The following MACF1 variants were observed in gnomAD, a reference collection of about 807,000 sequenced individuals.
MACF1 encodes the protein microtubule-actin cross-linking factor 1.
MACF1 carries 193 observed loss-of-function variants against 854.8 expected under a neutral mutation model. That is an observed-to-expected ratio of 0.23 (90% CI 0.20 to 0.25). The LOEUF (loss-of-function observed/expected upper bound fraction) is 0.25, where lower values mean the gene tolerates loss of function less well. Ranked by LOEUF, MACF1 falls within the 10% of genes least tolerant of loss-of-function variation. MACF1 has a pLI of 1.00. For missense variants in MACF1, 7,722 were observed against 8,929.1 expected, an observed-to-expected ratio of 0.86 and a Z score of 5.45; for synonymous variants, 3,185 against 3,226.7, an observed-to-expected ratio of 0.99 and a Z score of 0.44.
At chr1:39,166,460 T>A (rs1199818496) in intron 2 of MACF1, among the ~76,000 whole-genome samples, 2 of 151,590 alleles carry the variant, frequency 1.3e-5, no homozygotes, top group Admixed American at 1.3e-4. Context: ...ATTCATTCAT[T>A]CATTCATTCA....
chr1:39,385,564 T>C lies in MACF1; in HGVS notation c.13979T>C (p.Ile4660Thr). The change falls in exon 57 of 101, where the codon ATC (isoleucine) becomes ACC (threonine). Residue 4660 changes from isoleucine to threonine, a missense_variant. Coordinates refer to ENST00000564288, the MANE Select transcript of MACF1 (RefSeq NM_001394062.1). ...CAAGTACAGAAAGAACTCCAGAGCA[T>C]CAATCAGAAATGGGTTGAGCTGACT... The part of the protein sequence containing the change: ...TSQVQKELQS[I>T]NQKWVELTDK... The C allele has an allele frequency of 1.2e-6, 2 of 1,614,152 alleles. No homozygotes were observed. Among genetic ancestry groups the C allele is most frequent in the Non-Finnish European group, 1.7e-6 (2 of 1,180,028 alleles).
In MACF1 at chr1:39,469,474, TTTGTCTTTC is replaced by T. The variant is rs533810376; in HGVS notation, c.21890-69_21890-61del. 6.9e-4 allele frequency: 803 copies of T among 1,156,518 alleles called. 4 individuals are homozygous for T. In the African/African-American group the frequency reaches 8.8e-3, roughly 13 times the overall value. 71.6% of individuals were successfully genotyped at this position (1,156,518 alleles called of 1,614,324 possible). Reference sequence around the variant, plus strand: ...AGGAGGCTCCCCCACTGTCTGCCAATTTGTCTTTCTTGACTAGTTTCTGCGTTTCCTGCC... The same window carrying T: ...AGGAGGCTCCCCCACTGTCTGCCAATTTGACTAGTTTCTGCGTTTCCTGCC... On this transcript the variant is annotated intron_variant, in intron 96 of 100. Transcript: ENST00000564288.
At chr1:39,391,755 C>T (rs994058688) in intron 58 of MACF1, among the ~76,000 whole-genome samples, 8 of 152,218 alleles carry the variant, frequency 5.3e-5, no homozygotes, top group African/African-American at 1.9e-4. Flanking sequence ...ATTACTTTAT[C>T]TTATTTCTAT....
intron 2 of MACF1, among the ~76,000 whole-genome samples, chr1:39,239,532 G>A (rs907843934): frequency 6.6e-6 from 1 of 152,212 alleles, no homozygotes; most frequent in Admixed American, 6.5e-5. Context: ...ACATATGTAA[G>A]GGTTCTGCTT....
intron 68 of MACF1, among the ~76,000 whole-genome samples, chr1:39,433,554 T>C (rs2148654716): frequency 6.6e-6 from 1 of 152,330 alleles, no homozygotes; most frequent in East Asian, 1.9e-4. Flanking sequence ...CAAGATGGTT[T>C]GTAGACAAGT....
chr1:39,397,434 C>T (rs558903052), intron 58 of MACF1, among the ~76,000 whole-genome samples: 4 of 151,880 alleles, frequency 2.6e-5, no homozygotes, highest in South Asian at 2.1e-4. Context: ...TGGTGGCGAG[C>T]GCCTGTAATC....
intron 1 of MACF1, among the ~76,000 whole-genome samples, chr1:39,221,218 C>G (rs1289578367): frequency 1.3e-5 from 2 of 151,990 alleles, no homozygotes; most frequent in Non-Finnish European, 2.9e-5. Context: ...CCACCGAAAA[C>G]GTAGTGAATA....
In MACF1 at chr1:39,479,970, C is replaced by T. The variant is rs1360123186; in HGVS notation, c.22131C>T (p.Ser7377=). Residue 7377 remains serine, a synonymous_variant, in exon 98 of 101, where the codon TCC becomes TCT. Transcript: ENST00000564288. ...SASQSNHSCT[S]MPSSPATPAS... ...GTCAGAGTAACCACAGCTGTACATC[C>T]ATGCCATCTTCTCCAGCCACCCCAG... is the stretch of plus-strand genomic sequence containing the variant. 6.3e-7 allele frequency: 1 copy of T among 1,594,842 alleles called. No homozygotes were observed.
At chr1:39,388,982 G>A (rs574267652) in intron 58 of MACF1, among the ~76,000 whole-genome samples, 14 of 145,348 alleles carry the variant, frequency 9.6e-5, no homozygotes, top group Middle Eastern at 3.4e-3. Context: ...AGGCTCAAGC[G>A]ATCCTCCCAC....
At chr1:39,215,986 T>C (rs74066708) in intron 1 of MACF1, among the ~76,000 whole-genome samples, 4,706 of 152,196 alleles carry the variant, frequency 0.031, 234 homozygotes, top group African/African-American at 0.11. Context: ...GTGACTTAGA[T>C]CTCTCTTGAT....
Position 39,335,005 on chromosome 1 carries a change from A to G in MACF1, c.8417A>G (p.Asn2806Ser), listed in dbSNP as rs778603258. The change falls in exon 37 of 101, where the codon AAT becomes AGT. Residue 2806 changes from asparagine to serine, a missense_variant. Asn to Ser is a conservative substitution (Grantham distance 46). Around this residue, in one of 15 missense-constraint regions of MACF1, gnomAD observed 1,531 missense variants for 1,601.6 expected, o/e 0.96. Transcript: ENST00000564288. ...AATCAGACTGCTGAAATGAGTTGTA[A>G]TAAAGTAGAAGAGAGTGAGAGATTA... ...ACNQTAEMSCNKVEESERLFQ... is the reference protein window; with the variant it reads ...ACNQTAEMSCSKVEESERLFQ... The G allele has an allele frequency of 6.2e-7, 1 of 1,614,118 alleles. No individual in the cohort carries two copies. Among genetic ancestry groups the G allele is most frequent in the Non-Finnish European group, 8.5e-7 (1 of 1,179,978 alleles).
At chr1:39,468,882 CA>C (rs1288001809) in intron 96 of MACF1, 150 bp downstream of exon 96, 2 of 696,870 alleles carry the variant, frequency 2.9e-6, no homozygotes, top group Non-Finnish European at 4.9e-6. Context: ...GATTAGAACT[CA>C]GGGGTGCCAG....
At chr1:39,268,328 G>A in intron 6 of MACF1, 1 of 419,732 alleles carries the variant, frequency 2.4e-6, no homozygotes, top group Non-Finnish European at 3.2e-6. Context: ...CCCCTCCCCT[G>A]GTTTCTAGCT....
chr1:39,324,785 G>A (rs764931917), intron 35 of MACF1, 51 bp downstream of exon 35: 1 of 1,362,954 alleles, frequency 7.3e-7, no homozygotes, highest in South Asian at 1.2e-5. Context: ...TGGTCTATCA[G>A]TCTAAAACTT....
intron 2 of MACF1, among the ~76,000 whole-genome samples, chr1:39,101,374 G>GTATATATA (rs112843404): frequency 4.0e-5 from 5 of 124,118 alleles, no homozygotes; most frequent in African/African-American, 1.4e-4. Flanking sequence ...AAAAAAATAT[G>GTATATATA]TATATATATA....
chr1:39,278,636 A>G (rs572430865), intron 6 of MACF1, among the ~76,000 whole-genome samples: 1 of 152,338 alleles, frequency 6.6e-6, no homozygotes, highest in African/African-American at 2.4e-5. Context: ...TCCTGTTCCC[A>G]ATAATGTTTT....
intron 2 of MACF1, among the ~76,000 whole-genome samples, chr1:39,131,594 G>A (rs1001891939): frequency 2.0e-5 from 3 of 152,104 alleles, no homozygotes; most frequent in African/African-American, 7.2e-5. Flanking sequence ...TTGTATCTCT[G>A]ATGTTTAGGA....
chr1:39,409,031 C>T lies in MACF1; in HGVS notation c.15817-13343C>T, dbSNP rs1642854193. On this transcript the variant is annotated intron_variant, in intron 58 of 100. Transcript: ENST00000564288. This position sits in a 1 kb window ranked among gnomAD's most constrained non-coding sequence, Gnocchi z 4.2. ...GGGCTGCCCGGGCGGGGCGGCGCAGCGCGGCGGCGCGGGGAAGGGGGAGGA... is the reference window on the plus strand; with the variant it reads ...GGGCTGCCCGGGCGGGGCGGCGCAGTGCGGCGGCGCGGGGAAGGGGGAGGA... Among the ~76,000 whole-genome samples the T allele has an allele frequency of 6.6e-6, 1 of 151,504 alleles. No homozygotes were observed. The highest frequency in any genetic ancestry group is 2.1e-4 in the South Asian group (1 of 4,810).
chr1:39,106,862 A>C (rs1013952001), intron 2 of MACF1, among the ~76,000 whole-genome samples: 4 of 147,454 alleles, frequency 2.7e-5, no homozygotes, highest in Non-Finnish European at 6.0e-5. Flanking sequence ...GCAGGAAAAA[A>C]GTAGAGATGA....
Sources: gnomAD v4.1 joint callset for allele counts (sites outside exome capture counted in the v4.1 genomes callset) on GRCh38, gnomAD v4.1.1 for gene constraint, gnomAD v4.1.1 regional missense constraint, Gnocchi (gnomAD v3.1) non-coding constraint, MANE v1.5 for transcripts, NCBI Gene and HGNC (gene_info 2026-07-23, HGNC 2026-07-21) for gene names.